The following ADAMTS2 variants were observed in gnomAD, a reference collection of about 807,000 sequenced individuals.
The protein encoded by ADAMTS2 is ADAM metallopeptidase with thrombospondin type 1 motif 2, also known as A disintegrin and metalloproteinase with thrombospondin motifs 2.
In ADAMTS2, 50 loss-of-function variants were observed where a neutral mutation model predicts 123.0. That is an observed-to-expected ratio of 0.41 (90% CI 0.32 to 0.51). The LOEUF (loss-of-function observed/expected upper bound fraction) is 0.51, where lower values mean the gene tolerates loss of function less well. Ranked by LOEUF, ADAMTS2 falls within the 20% of genes least tolerant of loss-of-function variation. The pLI is 0.35. For missense variants in ADAMTS2, 1,494 were observed against 1,705.2 expected (o/e 0.88, Z 2.18); for synonymous variants, 678 against 695.4 (o/e 0.98, Z 0.39).
At chr5:179,327,023 C>T (rs1206709970) in intron 2 of ADAMTS2, among the ~76,000 whole-genome samples, 1 of 152,172 alleles carries the variant, frequency 6.6e-6, no homozygotes, top group African/African-American at 2.4e-5. Flanking sequence ...GCAGAGACTC[C>T]CAAGGCACCT....
At chr5:179,222,310 A>C (rs779213357) in intron 3 of ADAMTS2, among the ~76,000 whole-genome samples, 1 of 152,226 alleles carries the variant, frequency 6.6e-6, no homozygotes, top group Non-Finnish European at 1.5e-5. Context: ...CCCTATTTCG[A>C]GAAGGGAGGA....
Position 179,166,186 on chromosome 5 carries a change from G to A in ADAMTS2, c.976-7307C>T, listed in dbSNP as rs535585623. Among the ~76,000 whole-genome samples, 7 of 152,276 alleles carry A rather than the reference G, an allele frequency of 4.6e-5. No individual in the cohort carries two copies. In the South Asian group the frequency reaches 1.4e-3, roughly 32 times the overall value. On this transcript the variant is annotated intron_variant, in intron 5 of 21. Coordinates refer to ENST00000251582, the MANE Select transcript of ADAMTS2 (RefSeq NM_014244.5). ...CCTCCTTGCTATGCTGGTTCACAGA[G>A]CTGCCCAGATGCAGGAGGCAGACAC...
intron 5 of ADAMTS2, among the ~76,000 whole-genome samples, chr5:179,166,351 G>GGA (rs1763697018): frequency 6.6e-6 from 1 of 152,206 alleles, no homozygotes. Flanking sequence ...AAAGACCCAG[G>GGA]GATCCCACCA....
At chr5:179,217,104 A>G (rs1453429076) in intron 3 of ADAMTS2, among the ~76,000 whole-genome samples, 8 of 152,170 alleles carry the variant, frequency 5.3e-5, no homozygotes, top group Non-Finnish European at 8.8e-5. Flanking sequence ...GCTTGGGTGG[A>G]GTGAGGGGAG....
intron 2 of ADAMTS2, among the ~76,000 whole-genome samples, chr5:179,311,577 T>C (rs463868): frequency 0.87 from 131,742 of 152,180 alleles, 57,173 homozygotes; most frequent in East Asian, 1. Flanking sequence ...TGCTAAGTCA[T>C]GAATGCCCCA....
rs79527876 is a variant in ADAMTS2, at chr5:179,138,933, G to T, written c.1775+957C>A. ...GCCCTGCCCGCCAGCTGGTAACTGG[G>T]CCCGGCTGTGCATCTGTGATGCCCA... On this transcript the variant is annotated intron_variant, in intron 11 of 21. Transcript: ENST00000251582. Among the ~76,000 whole-genome samples, 1,094 of 152,352 alleles carry T rather than the reference G, an allele frequency of 7.2e-3. 18 individuals are homozygous for T. Among genetic ancestry groups the T allele is most frequent in the African/African-American group, 0.025 (1,021 of 41,586 alleles).
Position 179,180,982 on chromosome 5 carries a change from C to G in ADAMTS2, c.975+90G>C. Reference sequence around the variant, plus strand: ...AGAGGCAGGGTGGTTCTGGCAAACGCACACACTCTCCAAGGAGGCCCATGC... The same window carrying G: ...AGAGGCAGGGTGGTTCTGGCAAACGGACACACTCTCCAAGGAGGCCCATGC... On this transcript the variant is annotated intron_variant, in intron 5 of 21. Transcript: ENST00000251582. The surrounding 1 kb of genome is among the most constrained non-coding windows in gnomAD (Gnocchi z 4.6). 1.9e-6 allele frequency: 2 copies of G among 1,032,944 alleles called. No individual in the cohort carries two copies. Among genetic ancestry groups the G allele is most frequent in the Admixed American group, 3.5e-5 (2 of 56,628 alleles). The allele number at this position is 1,032,944 out of a possible 1,614,324, so 64.0% of individuals were successfully genotyped here.
At chr5:179,291,259 G>T (rs1028588082) in intron 2 of ADAMTS2, among the ~76,000 whole-genome samples, 1 of 152,196 alleles carries the variant, frequency 6.6e-6, no homozygotes, top group Non-Finnish European at 1.5e-5. Context: ...CATCGGCTGT[G>T]GGGCCACCTC....
chr5:179,218,324 C>T (rs73331552), intron 3 of ADAMTS2, among the ~76,000 whole-genome samples: 15,869 of 152,230 alleles, frequency 0.1, 1,031 homozygotes, highest in South Asian at 0.21. Flanking sequence ...AAGAGAGAGT[C>T]GCTCTGTGGC....
rs551957083 is a variant in ADAMTS2, at chr5:179,147,641, C to T, written c.1629+4501G>A. 1.6e-4 allele frequency among the ~76,000 whole-genome samples: 25 copies of T among 152,208 alleles called. No homozygotes were observed. In the South Asian group the frequency reaches 3.7e-3, roughly 23 times the overall value. On this transcript the variant is annotated intron_variant, in intron 10 of 21. Transcript: ENST00000251582. ...TAGATGAGTTGGCACAGCGGTGTGG[C>T]GAGTATTTCTGGAAGCTACTATTAC...
At chr5:179,203,421 G>A (rs1381876155) in intron 4 of ADAMTS2, among the ~76,000 whole-genome samples, 1 of 152,240 alleles carries the variant, frequency 6.6e-6, no homozygotes, top group Non-Finnish European at 1.5e-5. Context: ...GTCCTTCCAT[G>A]CTTTTGCTTT....
At chr5:179,286,866 C>A (rs1373413811) in intron 2 of ADAMTS2, among the ~76,000 whole-genome samples, 1 of 152,212 alleles carries the variant, frequency 6.6e-6, no homozygotes, top group South Asian at 2.1e-4. Flanking sequence ...CCTGTCCTCA[C>A]ATGGCCGTCC....
At chr5:179,265,591 A>G (rs1581231131) in intron 3 of ADAMTS2, among the ~76,000 whole-genome samples, 1 of 152,192 alleles carries the variant, frequency 6.6e-6, no homozygotes, top group Admixed American at 6.5e-5. Flanking sequence ...CTCCAGCCAG[A>G]GAGCCAGCCA....
At chr5:179,149,484 C>A (rs369132908) in intron 10 of ADAMTS2, among the ~76,000 whole-genome samples, 1 of 152,174 alleles carries the variant, frequency 6.6e-6, no homozygotes, top group Non-Finnish European at 1.5e-5. Context: ...AGGCTGCGGC[C>A]GGGGCAGACT....
In ADAMTS2 at chr5:179,344,170, G is replaced by A. The variant is rs1301265530; in HGVS notation, c.140-9C>T. 19 of 1,592,542 alleles carry A rather than the reference G, an allele frequency of 1.2e-5. No individual in the cohort carries two copies. Among genetic ancestry groups the A allele is most frequent in the Non-Finnish European group, 1.6e-5 (19 of 1,171,214 alleles). On this transcript the variant is annotated splice_polypyrimidine_tract_variant and intron_variant, in intron 1 of 21. Coordinates refer to ENST00000251582, the MANE Select transcript of ADAMTS2 (RefSeq NM_014244.5). ...GTGCCCCAGGGGCCCGCCTGCAACGGGAAGGGGCGTTAGATCGGCGGAGAC... is the reference window on the plus strand; with the variant it reads ...GTGCCCCAGGGGCCCGCCTGCAACGAGAAGGGGCGTTAGATCGGCGGAGAC...
At chr5:179,138,282 G>A (rs993269106) in intron 11 of ADAMTS2, among the ~76,000 whole-genome samples, 1 of 152,214 alleles carries the variant, frequency 6.6e-6, no homozygotes, top group Non-Finnish European at 1.5e-5. Flanking sequence ...AGGAAGCTGT[G>A]ATTGGGTGTT....
intron 5 of ADAMTS2, among the ~76,000 whole-genome samples, chr5:179,168,613 G>C (rs1763758052): frequency 6.6e-6 from 1 of 152,216 alleles, no homozygotes; most frequent in Admixed American, 6.5e-5. Flanking sequence ...CGTCATTCCT[G>C]TTGTGTGCTG....
intron 21 of ADAMTS2, among the ~76,000 whole-genome samples, chr5:179,116,360 T>C (rs1216142192): frequency 6.7e-6 from 1 of 149,314 alleles, no homozygotes; most frequent in Non-Finnish European, 1.5e-5. Flanking sequence ...TGGAACTCCT[T>C]TTGGCCACAG....
chr5:179,204,615 G>A (rs1269494636), intron 4 of ADAMTS2, among the ~76,000 whole-genome samples: 3 of 152,220 alleles, frequency 2.0e-5, no homozygotes, highest in African/African-American at 4.8e-5. Context: ...CAAAGGGTCC[G>A]ACATAGCTTA....
Sources: allele counts gnomAD v4.1 joint callset (sites outside exome capture counted in the v4.1 genomes callset), GRCh38; gene constraint gnomAD v4.1.1; non-coding constraint Gnocchi (gnomAD v3.1); transcripts MANE v1.5; gene names NCBI Gene and HGNC (gene_info 2026-07-23, HGNC 2026-07-21).